Variants in KCNMA1 observed in about 807,000 individuals in gnomAD.
The protein encoded by KCNMA1 is potassium calcium-activated channel subfamily M alpha 1, also known as Calcium-activated potassium channel subunit alpha-1.
A neutral mutation model predicts 140.0 loss-of-function variants in KCNMA1; 29 were observed. The ratio of observed to expected loss-of-function variants is 0.21; its 90% CI spans 0.15 to 0.28. KCNMA1 has a LOEUF of 0.28. KCNMA1 is among the 10% of genes least tolerant of loss of function. KCNMA1 has a pLI of 1.00. For missense variants in KCNMA1, 880 were observed against 1,602.2 expected, an observed-to-expected ratio of 0.55 and a Z score of 7.70; for synonymous variants, 612 against 611.9, an observed-to-expected ratio of 1.00 and a Z score of 0.00.
rs879240363 is a variant in KCNMA1 at position 77,251,016 on chromosome 10, C to T, written c.602+179G>A. The T allele has an allele frequency of 2.0e-5, 13 of 638,280 alleles. No individual in the cohort carries two copies. In the Admixed American group the frequency reaches 2.6e-4, roughly 13 times the overall value. 39.5% of individuals were successfully genotyped at this position (638,280 alleles called of 1,614,324 possible). A position where few individuals can be genotyped will look rare whatever the true frequency, so the allele number is the denominator to read the frequency against. Reference sequence around the variant, plus strand: ...ATGCCAGCAGACTCAAAATAGCCTTCCTTCTGAGAACTTTCTTTCCCATTT... The same window carrying T: ...ATGCCAGCAGACTCAAAATAGCCTTTCTTCTGAGAACTTTCTTTCCCATTT... On this transcript the variant is annotated intron_variant, in intron 3 of 27. Coordinates refer to ENST00000286628, the MANE Select transcript of KCNMA1 (RefSeq NM_001161352.2).
chr10:77,365,948 C>T (rs955228647), intron 2 of KCNMA1, among the ~76,000 whole-genome samples: 4 of 152,148 alleles, frequency 2.6e-5, no homozygotes, highest in African/African-American at 9.7e-5. Flanking sequence ...TAGATCCCCA[C>T]ACAAATGTAG....
At chr10:77,604,073 G>A (rs1173767464) in intron 1 of KCNMA1, among the ~76,000 whole-genome samples, 1 of 152,234 alleles carries the variant, frequency 6.6e-6, no homozygotes, top group South Asian at 2.1e-4. Flanking sequence ...ATCTGAGGCT[G>A]GCAGCCTTCT....
chr10:77,502,265 A>G (rs1348240520), intron 1 of KCNMA1, among the ~76,000 whole-genome samples: 2 of 152,194 alleles, frequency 1.3e-5, no homozygotes, highest in Non-Finnish European at 2.9e-5. Flanking sequence ...TCTTCATAGC[A>G]TTTCCCTTAC....
intron 23 of KCNMA1, among the ~76,000 whole-genome samples, chr10:76,942,816 G>T (rs1403204890): frequency 6.6e-6 from 1 of 152,142 alleles, no homozygotes; most frequent in African/African-American, 2.4e-5. Context: ...CTTAAAGGGA[G>T]AATCATTGCT....
intron 2 of KCNMA1, among the ~76,000 whole-genome samples, chr10:77,290,508 A>AAAGGGGCACC (rs1261338588): frequency 6.6e-6 from 1 of 152,194 alleles, no homozygotes; most frequent in Non-Finnish European, 1.5e-5. Flanking sequence ...TTATGTGTGA[A>AAAGGGGCACC]AAGGGGCACC....
Position 77,108,273 on chromosome 10 carries a change from G to A in KCNMA1, c.1223+208C>T, listed in dbSNP as rs1379200020. On this transcript the variant is annotated intron_variant, in intron 9 of 27. Transcript: ENST00000286628. The surrounding 1 kb of genome is among the most constrained non-coding windows in gnomAD (Gnocchi z 4.6). ...GTCACTCAACCACATCTTTTCTGATGCAACTGACTTACTTTCTGCCTCCAT... is the reference window on the plus strand; with the variant it reads ...GTCACTCAACCACATCTTTTCTGATACAACTGACTTACTTTCTGCCTCCAT... 1 of 1,460,518 alleles carries A rather than the reference G, an allele frequency of 6.8e-7. No homozygotes were observed. Among genetic ancestry groups the A allele is most frequent in the Non-Finnish European group, 9.0e-7 (1 of 1,112,906 alleles). The allele number at this position is 1,460,518 out of a possible 1,614,324, so 90.5% of individuals were successfully genotyped here.
At chr10:77,433,350 A>G (rs1345798543) in intron 1 of KCNMA1, among the ~76,000 whole-genome samples, 1 of 152,076 alleles carries the variant, frequency 6.6e-6, no homozygotes, top group East Asian at 1.9e-4. Flanking sequence ...ACAGGGTTTC[A>G]CCATGTTGGT....
intron 2 of KCNMA1, among the ~76,000 whole-genome samples, chr10:77,382,430 T>C (rs905589675): frequency 6.6e-6 from 1 of 152,158 alleles, no homozygotes; most frequent in Non-Finnish European, 1.5e-5. Context: ...AGTTTGTAAT[T>C]GGAGGAGAAG....
chr10:77,139,133 A>G (rs1444240140), intron 5 of KCNMA1, among the ~76,000 whole-genome samples: 2 of 152,256 alleles, frequency 1.3e-5, no homozygotes. Flanking sequence ...TAATAAATGC[A>G]TTAATCCTTT....
chr10:77,128,214 GTATACCATATATTA>G, intron 5 of KCNMA1, among the ~76,000 whole-genome samples: 1 of 151,940 alleles, frequency 6.6e-6, no homozygotes, highest in East Asian at 1.9e-4. Context: ...AGAAGATTTT[GTATACCATATATTA>G]TCTCCCACCG....
chr10:77,412,720 G>A (rs1440305603), intron 1 of KCNMA1, among the ~76,000 whole-genome samples: 1 of 152,224 alleles, frequency 6.6e-6, no homozygotes, highest in Non-Finnish European at 1.5e-5. Context: ...AAATAAAAGC[G>A]CCTCTGCATT....
At chr10:77,055,092 G>A (rs2095498471) in intron 14 of KCNMA1, among the ~76,000 whole-genome samples, 1 of 152,184 alleles carries the variant, frequency 6.6e-6, no homozygotes. Flanking sequence ...ATAGCATATG[G>A]CGGCTAAAGA....
intron 1 of KCNMA1, among the ~76,000 whole-genome samples, chr10:77,502,793 G>A (rs1456119631): frequency 1.3e-5 from 2 of 152,144 alleles, no homozygotes; most frequent in Non-Finnish European, 1.5e-5. Context: ...CTCCTAGGTT[G>A]GTGTGAGGAT....
At chr10:77,401,596 T>C (rs1011521935) in intron 2 of KCNMA1, among the ~76,000 whole-genome samples, 1 of 152,370 alleles carries the variant, frequency 6.6e-6, no homozygotes, top group East Asian at 1.9e-4. Context: ...GAAGGCTTTC[T>C]TCTCCTTTAA....
intron 23 of KCNMA1, among the ~76,000 whole-genome samples, chr10:76,926,752 G>A (rs779525313): frequency 2.0e-5 from 3 of 152,148 alleles, no homozygotes; most frequent in Non-Finnish European, 4.4e-5. Context: ...TTTTAAGGAA[G>A]TGGAACACAG....
At chr10:77,408,114 G>C (rs558549302) in intron 1 of KCNMA1, among the ~76,000 whole-genome samples, 122 of 152,232 alleles carry the variant, frequency 8.0e-4, no homozygotes, top group Non-Finnish European at 1.1e-3. Flanking sequence ...CTTCTGACTC[G>C]CCCCATTAGA....
At chr10:76,909,074 C>G (rs2048967415) in intron 25 of KCNMA1, among the ~76,000 whole-genome samples, 1 of 152,252 alleles carries the variant, frequency 6.6e-6, no homozygotes, top group Non-Finnish European at 1.5e-5. Flanking sequence ...ACTGTCCTCT[C>G]TCTGCCACTA....
At chr10:77,305,111 G>A (rs2077384095) in intron 2 of KCNMA1, among the ~76,000 whole-genome samples, 1 of 152,162 alleles carries the variant, frequency 6.6e-6, no homozygotes, top group Non-Finnish European at 1.5e-5. Context: ...CACCATGTCT[G>A]AAAATCTTTT....
intron 3 of KCNMA1, among the ~76,000 whole-genome samples, chr10:77,220,880 C>G (rs954211122): frequency 6.6e-6 from 1 of 152,162 alleles, no homozygotes; most frequent in Non-Finnish European, 1.5e-5. Flanking sequence ...CTGACCTAAC[C>G]ATTAGCAACT....
Sources: allele counts gnomAD v4.1 joint callset (sites outside exome capture counted in the v4.1 genomes callset), GRCh38; gene constraint gnomAD v4.1.1; non-coding constraint Gnocchi (gnomAD v3.1); transcripts MANE v1.5; gene names NCBI Gene and HGNC (gene_info 2026-07-23, HGNC 2026-07-21).